The following DOP1B variants were observed in gnomAD, a reference collection of about 807,000 sequenced individuals.
DOP1B encodes protein DOP1B.
In DOP1B, 174 loss-of-function variants were observed where a neutral mutation model predicts 233.5. The observed-to-expected ratio is 0.75, with a 90% CI of 0.66 to 0.85. DOP1B has a LOEUF of 0.85. DOP1B is among the 40% of genes least tolerant of loss of function. The pLI is 0.00. For synonymous variants in DOP1B, 1,190 were observed against 1,185.6 expected (o/e 1.00, Z -0.08); for missense variants, 2,652 against 2,846.6 (o/e 0.93, Z 1.56).
In DOP1B at chr21:36,233,037, A is replaced by T; in HGVS notation, c.2584A>T (p.Ile862Leu). 6.2e-7 allele frequency: 1 copy of T among 1,614,042 alleles called. No individual in the cohort carries two copies. The highest frequency in any genetic ancestry group is 8.5e-7 in the Non-Finnish European group (1 of 1,179,962). The part of the protein sequence containing the change: ...MVTVPPIAPG[I>L]LKVIAEKTDF... ...GACGGTTCCTCCCATTGCTCCAGGG[A>T]TATTGAAAGTCATTGCAGAGAAAAC... is the stretch of plus-strand genomic sequence containing the variant. The change falls in exon 15 of 37, where the codon ATA becomes TTA. Residue 862 changes from isoleucine (I) to leucine (L), a missense_variant. By Grantham distance (5) the Ile-to-Leu change is conservative (BLOSUM62 2). This residue lies in a region of DOP1B where 2,617 missense variants were observed against 2,794.3 expected (regional missense o/e 0.94). Coordinates refer to ENST00000691173, the MANE Select transcript of DOP1B (RefSeq NM_001320714.2).
At chr21:36,232,175 G>T (rs1268491376) in intron 14 of DOP1B, among the ~76,000 whole-genome samples, 1 of 151,846 alleles carries the variant, frequency 6.6e-6, no homozygotes, top group East Asian at 1.9e-4. Flanking sequence ...TAGAGATGGG[G>T]TTTCACCATG....
intron 26 of DOP1B, among the ~76,000 whole-genome samples, chr21:36,267,070 G>A (rs75695461): frequency 0.014 from 2,133 of 152,284 alleles, 42 homozygotes; most frequent in African/African-American, 0.048. Flanking sequence ...CCTAGGAACC[G>A]TGTGGCACAG....
intron 15 of DOP1B, among the ~76,000 whole-genome samples, chr21:36,233,697 G>T (rs2066793368): frequency 6.6e-6 from 1 of 152,196 alleles, no homozygotes; most frequent in African/African-American, 2.4e-5. Context: ...ATGGTTGGTT[G>T]TTGTTGGTTT....
At chr21:36,228,088 G>A (rs562971353) in intron 13 of DOP1B, among the ~76,000 whole-genome samples, 73 of 152,216 alleles carry the variant, frequency 4.8e-4, no homozygotes, top group Middle Eastern at 6.8e-3. Context: ...CAACACTTTC[G>A]GAGACTGGGG....
intron 16 of DOP1B, among the ~76,000 whole-genome samples, chr21:36,237,973 G>GC (rs1463758664): frequency 2.0e-5 from 3 of 152,198 alleles, no homozygotes; most frequent in African/African-American, 7.2e-5. Context: ...TTTGAGACCA[G>GC]CCTGGGCAAC....
intron 13 of DOP1B, among the ~76,000 whole-genome samples, chr21:36,229,025 T>A (rs2066727055): frequency 6.6e-6 from 1 of 152,204 alleles, no homozygotes; most frequent in African/African-American, 2.4e-5. Flanking sequence ...TCATGCTACT[T>A]GCCTGCTCTG....
rs753693654 is a variant in DOP1B, at chr21:36,271,861, G to T, written c.5632+1704G>T. On this transcript the variant is annotated intron_variant, in intron 27 of 36. Transcript: ENST00000691173. ...GAATTTAGCAAATCAAGCTGGGAGG[G>T]TTGGCTCATGCCTGTAATCCCAGCA... is the stretch of plus-strand genomic sequence containing the variant. 2.0e-5 allele frequency among the ~76,000 whole-genome samples: 3 copies of T among 151,890 alleles called. No individual in the cohort carries two copies. The South Asian group carries it at 6.2e-4, about 32-fold the overall frequency.
chr21:36,289,259 C>A, intron 35 of DOP1B, 53 bp downstream of exon 35: 2 of 1,566,972 alleles, frequency 1.3e-6, no homozygotes, highest in Non-Finnish European at 1.7e-6. Flanking sequence ...TTTGTTTTTT[C>A]CTTTTAAGCA....
chr21:36,282,655 C>T (rs1031777261), intron 32 of DOP1B, among the ~76,000 whole-genome samples: 71 of 151,818 alleles, frequency 4.7e-4, no homozygotes, highest in African/African-American at 1.6e-3. Context: ...TTTTTCATCC[C>T]CACTACATTC....
intron 32 of DOP1B, among the ~76,000 whole-genome samples, 187 bp from the exon 33 acceptor site, chr21:36,287,827 C>CG (rs2067504634): frequency 6.6e-6 from 1 of 151,890 alleles, no homozygotes; most frequent in South Asian, 2.1e-4. Flanking sequence ...TCTTGTTATC[C>CG]GCCCGCCTCG....
chr21:36,195,379 A>C (rs2123461733), intron 2 of DOP1B, among the ~76,000 whole-genome samples: 1 of 151,184 alleles, frequency 6.6e-6, no homozygotes, highest in African/African-American at 2.4e-5. Context: ...CAAAACAAAA[A>C]AAAAATCAGC....
chr21:36,257,793 T>G (rs1483962072), intron 23 of DOP1B, among the ~76,000 whole-genome samples: 1 of 93,034 alleles, frequency 1.1e-5, no homozygotes, highest in Non-Finnish European at 2.1e-5. Context: ...GGTAGGTAGG[T>G]AGATGTAGGG....
At chr21:36,281,426 C>T in intron 31 of DOP1B, 57 bp from the exon 32 acceptor site, 13 of 1,506,358 alleles carry the variant, frequency 8.6e-6, no homozygotes, top group Non-Finnish European at 1.2e-5. Context: ...AATTTCCCAT[C>T]ACTTCCCTCC....
At chr21:36,280,093 T>C (rs1346010320) in intron 30 of DOP1B, among the ~76,000 whole-genome samples, 192 bp from the exon 31 acceptor site, 3 of 152,220 alleles carry the variant, frequency 2.0e-5, no homozygotes, top group Non-Finnish European at 4.4e-5. Context: ...CAGGCTGGTC[T>C]TGAACTCCCA....
chr21:36,165,719 T>C (rs543728756), intron 2 of DOP1B, among the ~76,000 whole-genome samples: 55 of 44,852 alleles, frequency 1.2e-3, no homozygotes, highest in Admixed American at 2.8e-3. Flanking sequence ...TAGGAGAATC[T>C]TTTTTTTTTT....
chr21:36,183,587 G>A lies in DOP1B; in HGVS notation c.139-15483G>A, dbSNP rs141748232. Among the ~76,000 whole-genome samples the A allele has an allele frequency of 3.1e-3, 473 of 152,360 alleles. 4 individuals carry two copies. Among genetic ancestry groups the A allele is most frequent in the African/African-American group, 0.011 (455 of 41,588 alleles). ...AGCTGTTGGAGTGGTTTCTGGCTGG[G>A]AGCAGGACGCCTACAGAGCAGTTGC... On this transcript the variant is annotated intron_variant, in intron 2 of 36. Coordinates refer to ENST00000691173, the MANE Select transcript of DOP1B (RefSeq NM_001320714.2).
At chr21:36,226,444 C>G (rs901092984) in intron 12 of DOP1B, among the ~76,000 whole-genome samples, 1 of 151,636 alleles carries the variant, frequency 6.6e-6, no homozygotes, top group African/African-American at 2.4e-5. Flanking sequence ...ATTACAGGCA[C>G]CTGCCACTAC....
chr21:36,232,731 A>G (rs963915303), intron 14 of DOP1B, 73 bp from the exon 15 acceptor site: 7 of 1,589,518 alleles, frequency 4.4e-6, no homozygotes, highest in Non-Finnish European at 6.0e-6. Context: ...AGGGTGCTGT[A>G]GAATCTGCAG....
At position 36,263,237 on chromosome 21, in the gene DOP1B, C is replaced by CAAAA. The variant is rs34161973; in HGVS notation, c.5316-295_5316-292dup. On this transcript the variant is annotated intron_variant, in intron 24 of 36. Transcript: ENST00000691173. ...CAACAAAAGTAAATCTCCGTCTCACCAAAAAAAAAAAAAAAAAGGCCTGAG... is the reference window on the plus strand; with the variant it reads ...CAACAAAAGTAAATCTCCGTCTCACCAAAAAAAAAAAAAAAAAAAAAGGCCTGAG... Among the ~76,000 whole-genome samples, 502 of 102,920 alleles carry CAAAA rather than the reference C, an allele frequency of 4.9e-3. 11 individuals carry two copies. The highest frequency in any genetic ancestry group is 0.018 in the African/African-American group (479 of 27,072). 67.5% of individuals were successfully genotyped at this position (102,920 alleles called of 152,430 possible). A position where few individuals can be genotyped will look rare whatever the true frequency, so the allele number is the denominator to read the frequency against.
Sources: allele counts gnomAD v4.1 joint callset (sites outside exome capture counted in the v4.1 genomes callset), GRCh38; gene constraint gnomAD v4.1.1; regional missense constraint gnomAD v4.1.1; transcripts MANE v1.5; gene names NCBI Gene and HGNC (gene_info 2026-07-23, HGNC 2026-07-21).